The following PTPRD variants were observed in gnomAD, a reference collection of about 807,000 sequenced individuals.
PTPRD encodes the protein protein tyrosine phosphatase receptor type D.
PTPRD carries 34 observed loss-of-function variants against 214.5 expected under a neutral mutation model. That is an observed-to-expected ratio of 0.16 (90% CI 0.12 to 0.21). PTPRD has a LOEUF of 0.21. Ranked by LOEUF, PTPRD falls within the 10% of genes least tolerant of loss-of-function variation. The probability of loss-of-function intolerance (pLI) is 1.00; values close to 1 mark genes in which losing one functional copy is unlikely to be tolerated. For missense variants in PTPRD, 2,545 were observed against 2,398.7 expected (o/e 1.06, Z -1.27); for synonymous variants, 1,128 against 845.7 (o/e 1.33, Z -5.79).
intron 4 of PTPRD, among the ~76,000 whole-genome samples, chr9:9,988,034 T>C (rs1360637890): frequency 6.6e-6 from 1 of 152,182 alleles, no homozygotes; most frequent in Admixed American, 6.5e-5. Flanking sequence ...AAAGAATTTA[T>C]GCACTTGTCT....
At chr9:10,268,350 A>AG (rs2094215643) in intron 3 of PTPRD, among the ~76,000 whole-genome samples, 1 of 150,632 alleles carries the variant, frequency 6.6e-6, no homozygotes. Context: ...GTTATAACAG[A>AG]GGGGCAGCAT....
chr9:8,513,763 A>T (rs996323505), intron 21 of PTPRD, among the ~76,000 whole-genome samples: 1 of 152,030 alleles, frequency 6.6e-6, no homozygotes, highest in African/African-American at 2.4e-5. Flanking sequence ...CAGAACAAAC[A>T]TCATTGTTTT....
chr9:9,962,591 C>G (rs1403187714), intron 4 of PTPRD, among the ~76,000 whole-genome samples: 1 of 152,042 alleles, frequency 6.6e-6, no homozygotes, highest in African/African-American at 2.4e-5. Context: ...TTTTCTACAA[C>G]TGCCAACATT....
intron 14 of PTPRD, among the ~76,000 whole-genome samples, chr9:8,563,946 G>T (rs143603460): frequency 1.3e-5 from 2 of 152,318 alleles, no homozygotes; most frequent in Middle Eastern, 3.4e-3. Context: ...GATTGCAGGC[G>T]TGAGGCATTG....
chr9:10,382,296 G>C (rs1226404636), intron 2 of PTPRD, among the ~76,000 whole-genome samples: 1 of 151,834 alleles, frequency 6.6e-6, no homozygotes, highest in Non-Finnish European at 1.5e-5. Flanking sequence ...TTCTTCTTAT[G>C]AGTTGACAAA....
At chr9:8,393,361 T>A (rs1312985421) in intron 36 of PTPRD, among the ~76,000 whole-genome samples, 1 of 152,164 alleles carries the variant, frequency 6.6e-6, no homozygotes, top group Non-Finnish European at 1.5e-5. Context: ...GGTGATTGCT[T>A]TTCATTCTTG....
chr9:8,924,005 C>T (rs977235329), intron 11 of PTPRD, among the ~76,000 whole-genome samples: 1 of 152,092 alleles, frequency 6.6e-6, no homozygotes, highest in African/African-American at 2.4e-5. Context: ...GCTTTGCAAG[C>T]CATTATCATT....
At position 8,317,801 on chromosome 9, in the gene PTPRD, C is replaced by A. The variant is rs1822965538; in HGVS notation, c.*73G>T. 7.3e-7 allele frequency: 1 copy of A among 1,378,326 alleles called. No homozygotes were observed. Among genetic ancestry groups the A allele is most frequent in the Non-Finnish European group, 1.0e-6 (1 of 968,888 alleles). The allele number at this position is 1,378,326 out of a possible 1,614,324, so 85.4% of individuals were successfully genotyped here. The stretch of plus-strand genomic sequence containing the variant: ...AAGTTAAGAAGGACTTCTCAAGTGC[C>A]CTGTATGGCTCAGAAGAGACTCCAT... On this transcript the variant is annotated 3_prime_UTR_variant, in exon 46 of 46. Coordinates refer to ENST00000381196, the MANE Select transcript of PTPRD (RefSeq NM_002839.4).
intron 7 of PTPRD, among the ~76,000 whole-genome samples, chr9:9,633,566 G>C (rs1229519313): frequency 2.6e-5 from 4 of 152,266 alleles, no homozygotes; most frequent in African/African-American, 7.2e-5. Flanking sequence ...TAAGCAAGGA[G>C]TCTGATTCTC....
chr9:10,426,628 C>T (rs1445988149), intron 2 of PTPRD, among the ~76,000 whole-genome samples: 1 of 152,008 alleles, frequency 6.6e-6, no homozygotes, highest in Non-Finnish European at 1.5e-5. Flanking sequence ...AAGAGATGTT[C>T]CCTCTGACTG....
intron 4 of PTPRD, among the ~76,000 whole-genome samples, chr9:10,007,576 CT>C (rs2096509615): frequency 6.6e-6 from 1 of 152,058 alleles, no homozygotes; most frequent in African/African-American, 2.4e-5. Flanking sequence ...TCACGAATGC[CT>C]TCTGGTCATA....
intron 3 of PTPRD, among the ~76,000 whole-genome samples, chr9:10,224,540 G>C (rs1221235789): frequency 5.3e-5 from 8 of 151,856 alleles, no homozygotes; most frequent in Admixed American, 5.3e-4. Context: ...AAACACTTAA[G>C]GTATTGTTGA....
At chr9:10,289,549 T>C (rs2154399398) in intron 3 of PTPRD, among the ~76,000 whole-genome samples, 1 of 152,232 alleles carries the variant, frequency 6.6e-6, no homozygotes, top group East Asian at 1.9e-4. Flanking sequence ...ACCTGGTAGG[T>C]TGCTTCCCCT....
intron 36 of PTPRD, among the ~76,000 whole-genome samples, chr9:8,402,019 G>A (rs1375931392): frequency 1.3e-5 from 2 of 152,154 alleles, no homozygotes; most frequent in Non-Finnish European, 2.9e-5. Context: ...GTGGTTCTGT[G>A]GTTCCAGTTG....
intron 3 of PTPRD, among the ~76,000 whole-genome samples, chr9:10,289,558 C>T (rs567655546): frequency 1.3e-5 from 2 of 152,080 alleles, no homozygotes; most frequent in African/African-American, 2.4e-5. Context: ...GTTGCTTCCC[C>T]TACCGCCCCG....
intron 33 of PTPRD, among the ~76,000 whole-genome samples, chr9:8,450,938 G>C (rs973079725): frequency 6.6e-6 from 1 of 152,136 alleles, no homozygotes; most frequent in Non-Finnish European, 1.5e-5. Flanking sequence ...TTTACTGTGG[G>C]GGGGAAAAGG....
At chr9:9,411,604 C>G (rs2075456186) in intron 8 of PTPRD, among the ~76,000 whole-genome samples, 1 of 152,098 alleles carries the variant, frequency 6.6e-6, no homozygotes, top group Non-Finnish European at 1.5e-5. Context: ...GAAATGAGAG[C>G]TAAATTGTTG....
intron 10 of PTPRD, among the ~76,000 whole-genome samples, chr9:9,088,316 G>A (rs933159714): frequency 2.1e-4 from 32 of 150,946 alleles, no homozygotes; most frequent in African/African-American, 4.4e-4. Context: ...GGCCGGGTGC[G>A]GTGGCTCACG....
intron 7 of PTPRD, among the ~76,000 whole-genome samples, chr9:9,715,943 G>A (rs572727572): frequency 6.6e-5 from 10 of 152,172 alleles, no homozygotes; most frequent in South Asian, 2.1e-4. Context: ...ATGCTGGTGC[G>A]CTGCACCCAT....
Sources: allele counts gnomAD v4.1 joint callset (sites outside exome capture counted in the v4.1 genomes callset), GRCh38; gene constraint gnomAD v4.1.1; transcripts MANE v1.5; gene names NCBI Gene and HGNC (gene_info 2026-07-23, HGNC 2026-07-21).